Variants in QRICH1 observed in about 807,000 individuals in gnomAD.
The protein encoded by QRICH1 is transcriptional regulator QRICH1.
Under a neutral mutation model 87.1 loss-of-function variants are expected in QRICH1, and 16 were observed. The observed-to-expected ratio is 0.18, with a 90% CI of 0.12 to 0.28. The LOEUF (loss-of-function observed/expected upper bound fraction) is 0.28, where lower values mean the gene tolerates loss of function less well. Among genes scored for constraint, QRICH1 ranks in the 10% least tolerant of loss-of-function variants. QRICH1 has a pLI of 1.00. For missense variants in QRICH1, 647 were observed against 951.7 expected, an observed-to-expected ratio of 0.68 and a Z score of 4.21; for synonymous variants, 367 against 368.4, an observed-to-expected ratio of 1.00 and a Z score of 0.05.
At chr3:49,086,691 T>C (rs1260705623) in intron 1 of QRICH1, among the ~76,000 whole-genome samples, 3 of 152,182 alleles carry the variant, frequency 2.0e-5, no homozygotes, top group Non-Finnish European at 4.4e-5. Context: ...AACAATCTAT[T>C]ACATTTCTAT....
At chr3:49,032,560 AAGGGCAGGAC>A (rs1201706074) in intron 8 of QRICH1, 52 bp downstream of exon 8, 8 of 1,482,446 alleles carry the variant, frequency 5.4e-6, no homozygotes, top group Non-Finnish European at 7.3e-6. Flanking sequence ...TCACAGGCAC[AAGGGCAGGAC>A]AGGGCAGGAC....
At chr3:49,034,759 G>A (rs1053683887) in intron 6 of QRICH1, among the ~76,000 whole-genome samples, 2 of 152,236 alleles carry the variant, frequency 1.3e-5, no homozygotes, top group African/African-American at 4.8e-5. Flanking sequence ...CTGCACCAAA[G>A]AAAGATGACA....
chr3:49,058,145 C>A (rs938212560), intron 2 of QRICH1: 1 of 561,364 alleles, frequency 1.8e-6, no homozygotes, highest in Non-Finnish European at 2.9e-6. Flanking sequence ...AAAGGAAATA[C>A]CAAAAAAAAA....
chr3:49,093,084 T>C (rs1179086783), intron 1 of QRICH1, among the ~76,000 whole-genome samples: 2 of 152,244 alleles, frequency 1.3e-5, no homozygotes, highest in African/African-American at 4.8e-5. Flanking sequence ...TATTAGTTTC[T>C]AATGAAAGAT....
chr3:49,070,209 G>A (rs1230859884), intron 2 of QRICH1, among the ~76,000 whole-genome samples: 1 of 151,748 alleles, frequency 6.6e-6, no homozygotes, highest in Non-Finnish European at 1.5e-5. Flanking sequence ...GCTGATTTTT[G>A]TATTTTTTAG....
chr3:49,084,747 A>G (rs1360375861), intron 1 of QRICH1, among the ~76,000 whole-genome samples: 2 of 151,352 alleles, frequency 1.3e-5, no homozygotes, highest in Non-Finnish European at 2.9e-5. Context: ...CTGGGGAAAG[A>G]GTGAGACTCC....
intron 2 of QRICH1, among the ~76,000 whole-genome samples, chr3:49,063,606 T>C (rs775462562): frequency 1.3e-4 from 20 of 152,194 alleles, no homozygotes; most frequent in Admixed American, 4.6e-4. Context: ...CTGGGCAACA[T>C]AGTGACACCC....
rs2093343272 is a variant in QRICH1 at position 49,047,136 on chromosome 3, T to C, written c.1449A>G (p.Lys483=). 2 of 1,614,038 alleles carry C rather than the reference T, an allele frequency of 1.2e-6. No individual in the cohort carries two copies. The highest frequency in any genetic ancestry group is 8.5e-7 in the Non-Finnish European group (1 of 1,180,036). ...CAGCATTCTTGGTCTGGGCCCAGTTTTTCCATACTTCAAGCCCTTCTTCTG... is the reference window on the plus strand; with the variant it reads ...CAGCATTCTTGGTCTGGGCCCAGTTCTTCCATACTTCAAGCCCTTCTTCTG... ...LKPEEGLEVW[K]NWAQTKNAEL... is the part of the protein sequence containing the mutation. The change falls in exon 4 of 10, where the codon AAA becomes AAG. Residue 483 remains lysine, a synonymous_variant. Transcript: ENST00000395443.
intron 2 of QRICH1, among the ~76,000 whole-genome samples, chr3:49,064,120 G>A (rs1042357982): frequency 2.0e-5 from 3 of 151,606 alleles, no homozygotes; most frequent in Non-Finnish European, 4.4e-5. Context: ...TAGTAGAGAT[G>A]GAGTTTCTCC....
In QRICH1 at chr3:49,057,317, A is replaced by G. The variant is rs774150797; in HGVS notation, c.883T>C (p.Tyr295His). ...CTAGTAATGGTCCCAGTGGCACTGT[A>G]CAGGTGGGCACTGTCTACTGTCAGT... is the stretch of plus-strand genomic sequence containing the variant. The part of the protein sequence containing the change: ...DLLTVDSAHL[Y>H]SATGTITSPT... The change falls in exon 3 of 10, where the codon TAC (tyrosine) becomes CAC (histidine). Residue 295 changes from tyrosine to histidine, a missense_variant. Tyr to His is a moderately conservative substitution (Grantham distance 83). Coordinates refer to ENST00000395443, the MANE Select transcript of QRICH1 (RefSeq NM_198880.3). This position sits in a 1 kb window ranked among gnomAD's most constrained non-coding sequence, Gnocchi z 5.4. 27 of 1,614,078 alleles carry G rather than the reference A, an allele frequency of 1.7e-5. No homozygotes were observed. Among genetic ancestry groups the G allele is most frequent in the African/African-American group, 4.0e-5 (3 of 74,936 alleles).
At chr3:49,043,828 G>A (rs1052156352) in intron 6 of QRICH1, among the ~76,000 whole-genome samples, 5 of 152,050 alleles carry the variant, frequency 3.3e-5, no homozygotes, top group Non-Finnish European at 5.9e-5. Context: ...GTGAGACTCC[G>A]TTTCAAACAA....
chr3:49,063,337 A>C, intron 2 of QRICH1, among the ~76,000 whole-genome samples: 1 of 152,218 alleles, frequency 6.6e-6, no homozygotes, highest in East Asian at 1.9e-4. Context: ...GTACCACTCC[A>C]GACCTACTAA....
chr3:49,066,464 TC>T (rs1195943839), intron 2 of QRICH1, among the ~76,000 whole-genome samples: 1 of 150,580 alleles, frequency 6.6e-6, no homozygotes, highest in African/African-American at 2.5e-5. Context: ...ACTTTACTTT[TC>T]TTTTTTTTTT....
intron 1 of QRICH1, among the ~76,000 whole-genome samples, chr3:49,080,888 A>T (rs1419013914): frequency 6.9e-6 from 1 of 145,366 alleles, no homozygotes; most frequent in African/African-American, 2.5e-5. Flanking sequence ...AAGTAAAAAC[A>T]GCTAAGTATG....
At chr3:49,053,054 A>G (rs1313487578) in intron 3 of QRICH1, among the ~76,000 whole-genome samples, 1 of 152,168 alleles carries the variant, frequency 6.6e-6, no homozygotes, top group African/African-American at 2.4e-5. Flanking sequence ...TAGGGAGAAG[A>G]GGGCCAAATA....
intron 1 of QRICH1, among the ~76,000 whole-genome samples, chr3:49,081,581 A>AC (rs2042060942): frequency 6.6e-6 from 1 of 151,874 alleles, no homozygotes; most frequent in Admixed American, 6.6e-5. Flanking sequence ...GTTCACTGCA[A>AC]CCTCAACCTC....
At chr3:49,070,825 A>G (rs1262727273) in intron 2 of QRICH1, among the ~76,000 whole-genome samples, 7 of 152,238 alleles carry the variant, frequency 4.6e-5, no homozygotes, top group Non-Finnish European at 1.0e-4. Context: ...AATCTATCTC[A>G]TGGATGTCAT....
chr3:49,047,437 G>A (rs1376113921), intron 3 of QRICH1, among the ~76,000 whole-genome samples, 191 bp from the exon 4 acceptor site: 1 of 151,594 alleles, frequency 6.6e-6, no homozygotes, highest in Admixed American at 6.6e-5. Flanking sequence ...CACTGCAACT[G>A]GGCTAGTGCA....
In QRICH1 at chr3:49,046,428, T is replaced by C; in HGVS notation, c.1668A>G (p.Gln556=). The change falls in exon 5 of 10, where the codon CAA becomes CAG. Residue 556 remains glutamine, a synonymous_variant. Coordinates refer to ENST00000395443, the MANE Select transcript of QRICH1 (RefSeq NM_198880.3). Reference sequence around the variant, plus strand: ...CTTGTGAAGATCTGTTTCCTACCTTTTGAATACACAGGAAAATATAGTAGA... The same window carrying C: ...CTTGTGAAGATCTGTTTCCTACCTTCTGAATACACAGGAAAATATAGTAGA... ...DVLYYIFLCI[Q]KYLFENGRVD... The C allele has an allele frequency of 6.2e-7, 1 of 1,612,374 alleles. No individual in the cohort carries two copies. Among genetic ancestry groups the C allele is most frequent in the Middle Eastern group, 1.7e-4 (1 of 6,048 alleles).
Sources: gnomAD v4.1 joint callset for allele counts (sites outside exome capture counted in the v4.1 genomes callset) on GRCh38, gnomAD v4.1.1 for gene constraint, Gnocchi (gnomAD v3.1) non-coding constraint, MANE v1.5 for transcripts, NCBI Gene and HGNC (gene_info 2026-07-23, HGNC 2026-07-21) for gene names.